Variants in RAB6A observed in about 807,000 individuals in gnomAD.
RAB6A encodes RAB6A, member RAS oncogene family, also known as ras-related protein Rab-6A.
RAB6A carries 8 observed loss-of-function variants against 32.3 expected under a neutral mutation model. The observed-to-expected ratio is 0.25, with a 90% CI of 0.15 to 0.45. The LOEUF is 0.45. RAB6A is among the 20% of genes least tolerant of loss of function. RAB6A has a pLI of 1.00. For synonymous variants in RAB6A, 73 were observed against 82.1 expected (o/e 0.89, Z 0.60); for missense variants, 104 against 249.4 (o/e 0.42, Z 3.93).
At chr11:73,723,074 G>GCCA (rs1946166522) in intron 2 of RAB6A, among the ~76,000 whole-genome samples, 1 of 152,040 alleles carries the variant, frequency 6.6e-6, no homozygotes, top group Non-Finnish European at 1.5e-5. Context: ...CTCCCAAAGT[G>GCCA]CCAGGATTAT....
At chr11:73,680,277 T>C (rs1661261704) in intron 6 of RAB6A, among the ~76,000 whole-genome samples, 1 of 152,198 alleles carries the variant, frequency 6.6e-6, no homozygotes, top group African/African-American at 2.4e-5. Flanking sequence ...GTCATTTGAA[T>C]AATAAAGTAT....
rs548688395 is a variant in RAB6A, at chr11:73,681,820, CA to C, written c.496-2101del. On this transcript the variant is annotated intron_variant, in intron 6 of 7. Coordinates refer to ENST00000336083, the MANE Select transcript of RAB6A (RefSeq NM_198896.2). ...CAAGACTCTGTCTGGAAAAACAACA[CA>C]AAAAAAATGTATAAAGGAGCAAATT... Among the ~76,000 whole-genome samples the C allele has an allele frequency of 1.9e-3, 289 of 151,656 alleles. 3 individuals are homozygous for C. The highest frequency in any genetic ancestry group is 6.9e-3 in the African/African-American group (285 of 41,340).
In RAB6A at chr11:73,718,001, T is replaced by C. The variant is rs890421196; in HGVS notation, c.289+612A>G. Among the ~76,000 whole-genome samples, 5 of 152,336 alleles carry C rather than the reference T, an allele frequency of 3.3e-5. 1 individual carries two copies. Among genetic ancestry groups the C allele is most frequent in the Admixed American group, 2.6e-4 (4 of 15,296 alleles). ...TCTTTAGAAAAAAGAAAAAGACTAC[T>C]AGTTGTTTCACCTCCTATTTAAAAT... On this transcript the variant is annotated intron_variant, in intron 4 of 7. Transcript: ENST00000336083.
intron 6 of RAB6A, among the ~76,000 whole-genome samples, chr11:73,695,777 G>A (rs1945646384): frequency 6.6e-6 from 1 of 152,108 alleles, no homozygotes. Flanking sequence ...CCAGGTGTAT[G>A]GTATTTTATT....
chr11:73,694,593 C>T (rs1349277009), intron 6 of RAB6A, among the ~76,000 whole-genome samples: 3 of 152,186 alleles, frequency 2.0e-5, no homozygotes, highest in East Asian at 1.9e-4. Context: ...AAATTTTAGG[C>T]TGGGTGCAGT....
At chr11:73,679,584 T>C in intron 7 of RAB6A, 70 bp downstream of exon 7, 1 of 1,565,898 alleles carries the variant, frequency 6.4e-7, no homozygotes, top group Non-Finnish European at 8.8e-7. Flanking sequence ...CAATATTCTT[T>C]AGCCAAGCAA....
intron 1 of RAB6A, chr11:73,760,124 G>T: frequency 7.7e-7 from 1 of 1,292,800 alleles, no homozygotes; most frequent in Non-Finnish European, 1.0e-6. Context: ...CTTGGCCAAG[G>T]TTGAAGAGGG....
At chr11:73,739,794 T>C (rs11235885) in intron 1 of RAB6A, among the ~76,000 whole-genome samples, 15,784 of 152,160 alleles carry the variant, frequency 0.1, 903 homozygotes, top group South Asian at 0.27. Flanking sequence ...CGGTGGCTCA[T>C]GCCTGTAATC....
intron 6 of RAB6A, among the ~76,000 whole-genome samples, chr11:73,688,769 T>C (rs1054443561): frequency 1.3e-5 from 2 of 152,240 alleles, no homozygotes; most frequent in South Asian, 4.1e-4. Context: ...AGTAGATTTT[T>C]TCCCCTTCCA....
At chr11:73,744,979 A>G (rs1433602558) in intron 1 of RAB6A, among the ~76,000 whole-genome samples, 1 of 122,886 alleles carries the variant, frequency 8.1e-6, no homozygotes, top group Non-Finnish European at 1.7e-5. Flanking sequence ...ATCTCAAAAG[A>G]AAAAAAAAAA....
At chr11:73,678,110 G>A (rs1945295248) in intron 7 of RAB6A, 148 bp from the exon 8 acceptor site, 13 of 789,008 alleles carry the variant, frequency 1.6e-5, no homozygotes, top group Middle Eastern at 3.4e-4. Flanking sequence ...ACCATATAAG[G>A]TGCTCAAATG....
chr11:73,679,865 T>C, intron 6 of RAB6A, 145 bp from the exon 7 acceptor site: 1 of 982,918 alleles, frequency 1.0e-6, no homozygotes, highest in Admixed American at 2.3e-5. Context: ...CCACCCGAGG[T>C]GGGCAGATCA....
chr11:73,752,263 G>C (rs775017027), intron 1 of RAB6A, among the ~76,000 whole-genome samples: 17 of 152,258 alleles, frequency 1.1e-4, no homozygotes, highest in South Asian at 2.1e-4. Context: ...TTCGAGACCA[G>C]TCTGACAAAC....
intron 5 of RAB6A, among the ~76,000 whole-genome samples, chr11:73,714,863 G>T (rs1006921604): frequency 6.6e-6 from 1 of 152,018 alleles, no homozygotes; most frequent in Non-Finnish European, 1.5e-5. Context: ...CTACTCAGGA[G>T]GCTGAGGCAG....
At chr11:73,739,669 T>C (rs1946464337) in intron 1 of RAB6A, among the ~76,000 whole-genome samples, 2 of 152,010 alleles carry the variant, frequency 1.3e-5, no homozygotes, top group South Asian at 4.1e-4. Flanking sequence ...ATTTAAAAGA[T>C]AAGTTTTATA....
chr11:73,708,468 C>T (rs956046848), intron 5 of RAB6A, among the ~76,000 whole-genome samples: 1 of 151,942 alleles, frequency 6.6e-6, no homozygotes, highest in African/African-American at 2.4e-5. Flanking sequence ...CGTGCCCAGC[C>T]GATTTTGTGG....
chr11:73,685,384 G>A (rs141774050), intron 6 of RAB6A, among the ~76,000 whole-genome samples: 1,684 of 149,006 alleles, frequency 0.011, 17 homozygotes, highest in Non-Finnish European at 0.017. Context: ...TGCCTCCTGG[G>A]TTCAAGCTGT....
At chr11:73,718,957 A>G in intron 3 of RAB6A, 1 of 1,416,556 alleles carries the variant, frequency 7.1e-7, no homozygotes, top group Non-Finnish European at 9.6e-7. Flanking sequence ...AAAAAGAAAC[A>G]ATGTTTTTTG....
chr11:73,734,384 C>G (rs957337951), intron 1 of RAB6A, among the ~76,000 whole-genome samples: 2 of 152,136 alleles, frequency 1.3e-5, no homozygotes, highest in Non-Finnish European at 2.9e-5. Flanking sequence ...CCTCAGCCCC[C>G]CAAAGAGCTG....
Sources: gnomAD v4.1 joint callset for allele counts (sites outside exome capture counted in the v4.1 genomes callset) on GRCh38, gnomAD v4.1.1 for gene constraint, MANE v1.5 for transcripts, NCBI Gene and HGNC (gene_info 2026-07-23, HGNC 2026-07-21) for gene names.